Variants in CCKBR observed in about 807,000 individuals in gnomAD.
CCKBR encodes gastrin/cholecystokinin type B receptor.
Under a neutral mutation model 34.6 loss-of-function variants are expected in CCKBR, and 33 were observed. The ratio of observed to expected loss-of-function variants is 0.95; its 90% confidence interval spans 0.72 to 1.27. The LOEUF is 1.27. Ranked by LOEUF, CCKBR falls within the 50% of genes most tolerant of loss-of-function variation. The pLI, the probability that CCKBR is intolerant of heterozygous loss-of-function variation, is 0.00. For synonymous variants in CCKBR, 269 were observed against 267.5 expected (o/e 1.01, Z -0.06); for missense variants, 652 against 617.4 (o/e 1.06, Z -0.59).
At chr11:6,270,976 G>A (rs1411236462) in intron 4 of CCKBR, 35 bp from the exon 5 acceptor site, 1 of 1,613,008 alleles carries the variant, frequency 6.2e-7, no homozygotes, top group Non-Finnish European at 8.5e-7. Context: ...GGGGGGACTC[G>A]CCTTTTTCTC....
intron 1 of CCKBR, among the ~76,000 whole-genome samples, chr11:6,268,518 T>C (rs1848241985): frequency 6.6e-6 from 1 of 152,238 alleles, no homozygotes; most frequent in South Asian, 2.1e-4. Context: ...CCAGCCCCTC[T>C]GCCTCACACA....
At chr11:6,260,146 C>A in intron 1 of CCKBR, 67 bp downstream of exon 1, 2 of 1,222,742 alleles carry the variant, frequency 1.6e-6, no homozygotes, top group Non-Finnish European at 2.2e-6. Context: ...TAATAGAGTC[C>A]CCCCAACGAG....
chr11:6,271,675 A>G lies in CCKBR; in HGVS notation c.*132A>G. 1 of 881,714 alleles carries G rather than the reference A, an allele frequency of 1.1e-6. No homozygotes were observed. Among genetic ancestry groups the G allele is most frequent in the Non-Finnish European group, 1.7e-6 (1 of 594,232 alleles). 54.6% of individuals were successfully genotyped at this position (881,714 alleles called of 1,614,324 possible). On this transcript the variant is annotated 3_prime_UTR_variant, in exon 5 of 5. Transcript: ENST00000334619. ...CATGGACTAACCCCAACGCACAGGA[A>G]AAGGTAGCTTACCTGACACAAGAGG... is the stretch of plus-strand genomic sequence containing the variant.
rs57265861 is a variant in CCKBR at position 6,262,686 on chromosome 11, A to AAGAGAG, written c.151+2641_151+2646dup. Among the ~76,000 whole-genome samples, 1,047 of 119,218 alleles carry AAGAGAG rather than the reference A, an allele frequency of 8.8e-3. 12 individuals are homozygous for AAGAGAG. The highest frequency in any genetic ancestry group is 0.014 in the African/African-American group (466 of 32,274). 78.2% of individuals were successfully genotyped at this position (119,218 alleles called of 152,430 possible). On this transcript the variant is annotated intron_variant, in intron 1 of 4. Transcript: ENST00000334619. ...TTTCAAGAAGTCTGGTAGGCAAAGA[A>AAGAGAG]AGAGAGAGAGAGAGAGAGAGAGAGA...
At chr11:6,268,398 C>A (rs1848240426) in intron 1 of CCKBR, among the ~76,000 whole-genome samples, 2 of 152,104 alleles carry the variant, frequency 1.3e-5, no homozygotes, top group Non-Finnish European at 2.9e-5. Flanking sequence ...GTAATTCAGT[C>A]CTGTTCAATC....
At chr11:6,270,970 GGACTC>G (rs780808122) in intron 4 of CCKBR, 36 bp from the exon 5 acceptor site, 2 of 1,612,922 alleles carry the variant, frequency 1.2e-6, no homozygotes, top group Non-Finnish European at 1.7e-6. Context: ...GAGACTGGGG[GGACTC>G]GCCTTTTTCT....
chr11:6,264,188 C>A (rs563675498), intron 1 of CCKBR, among the ~76,000 whole-genome samples: 2 of 152,274 alleles, frequency 1.3e-5, no homozygotes, highest in Admixed American at 6.5e-5. Flanking sequence ...ACCTACACAC[C>A]CTTGCATATT....
At chr11:6,261,355 A>C (rs1296580402) in intron 1 of CCKBR, among the ~76,000 whole-genome samples, 1 of 149,862 alleles carries the variant, frequency 6.7e-6, no homozygotes, top group Non-Finnish European at 1.5e-5. Flanking sequence ...AGCCTCCTTG[A>C]GAATTAAAGT....
At chr11:6,262,722 G>GAAAGAA (rs66526838) in intron 1 of CCKBR, among the ~76,000 whole-genome samples, 20 of 119,262 alleles carry the variant, frequency 1.7e-4, no homozygotes, top group South Asian at 5.8e-4. Flanking sequence ...GAGAGAGAGA[G>GAAAGAA]AGAAAGAAAA....
At chr11:6,260,734 A>G (rs913334672) in intron 1 of CCKBR, among the ~76,000 whole-genome samples, 3 of 152,208 alleles carry the variant, frequency 2.0e-5, no homozygotes, top group African/African-American at 7.2e-5. Context: ...TTTGTCTGCA[A>G]GTAATGTCTC....
intron 1 of CCKBR, among the ~76,000 whole-genome samples, chr11:6,268,402 T>C (rs2133901986): frequency 6.6e-6 from 1 of 152,268 alleles, no homozygotes; most frequent in South Asian, 2.1e-4. Flanking sequence ...TTCAGTCCTG[T>C]TCAATCCAAT....
chr11:6,260,403 T>C (rs1486605685), intron 1 of CCKBR, among the ~76,000 whole-genome samples: 1 of 152,034 alleles, frequency 6.6e-6, no homozygotes, highest in Non-Finnish European at 1.5e-5. Context: ...GGACCTCCTC[T>C]TGCCAACCCT....
chr11:6,260,159 C>T lies in CCKBR; in HGVS notation c.151+80C>T, dbSNP rs1035885909. On this transcript the variant is annotated intron_variant, in intron 1 of 4. Transcript: ENST00000334619. ...ACTAATAGAGTCCCCCCAACGAGCT[C>T]CACACTACCTTCTCAAACGTCCACA... The T allele has an allele frequency of 5.6e-6, 6 of 1,073,090 alleles. No individual in the cohort carries two copies. In the East Asian group the frequency reaches 1.5e-4, roughly 27 times the overall value. The allele number at this position is 1,073,090 out of a possible 1,614,324, so 66.5% of individuals were successfully genotyped here.
intron 1 of CCKBR, among the ~76,000 whole-genome samples, chr11:6,263,044 C>A (rs1848160405): frequency 6.6e-6 from 1 of 152,210 alleles, no homozygotes; most frequent in Non-Finnish European, 1.5e-5. Flanking sequence ...CACACAGAGA[C>A]CCTGTCAGCC....
In CCKBR at chr11:6,261,462, T is replaced by TATATATATATACACACAC. The variant is rs764173521; in HGVS notation, c.151+1384_151+1385insTATATATATACACACACA. Among the ~76,000 whole-genome samples, 60 of 63,990 alleles carry TATATATATATACACACAC rather than the reference T, an allele frequency of 9.4e-4. 2 individuals carry two copies. The East Asian group carries it at 0.011, about 12-fold the overall frequency. 42.0% of individuals were successfully genotyped at this position (63,990 alleles called of 152,430 possible). ...AAAAAAAAAAAAAAAAAAATATATATACACACACACACACACACACACACA... is the reference window on the plus strand; with the variant it reads ...AAAAAAAAAAAAAAAAAAATATATATATATATATATACACACACACACACACACACACACACACACACA... On this transcript the variant is annotated intron_variant, in intron 1 of 4. Transcript: ENST00000334619.
At chr11:6,268,049 G>C (rs977035934) in intron 1 of CCKBR, among the ~76,000 whole-genome samples, 1 of 152,164 alleles carries the variant, frequency 6.6e-6, no homozygotes, top group African/African-American at 2.4e-5. Flanking sequence ...TTGCTATGTT[G>C]CTCAGGCTGA....
chr11:6,269,561 A>G, intron 1 of CCKBR, 108 bp from the exon 2 acceptor site: 1 of 1,243,890 alleles, frequency 8.0e-7, no homozygotes, highest in Non-Finnish European at 1.1e-6. Context: ...TCGGTGGGGA[A>G]TGTAGGCATC....
chr11:6,271,587 C>T lies in CCKBR; in HGVS notation c.*44C>T. On this transcript the variant is annotated 3_prime_UTR_variant, in exon 5 of 5. Transcript: ENST00000334619. ...GGGTTGAGGCAGGGCAAATGACATG[C>T]ACTGACCCTTCCAGACATACGAAAC... 1 of 1,509,158 alleles carries T rather than the reference C, an allele frequency of 6.6e-7. No individual in the cohort carries two copies. The highest frequency in any genetic ancestry group is 8.8e-7 in the Non-Finnish European group (1 of 1,130,184). The allele number at this position is 1,509,158 out of a possible 1,614,324, so 93.5% of individuals were successfully genotyped here.
chr11:6,265,825 G>C (rs1299629334), intron 1 of CCKBR, among the ~76,000 whole-genome samples: 1 of 152,134 alleles, frequency 6.6e-6, no homozygotes, highest in Non-Finnish European at 1.5e-5. Flanking sequence ...ACCTCTCACT[G>C]ACCCCCACAA....
Sources: allele counts gnomAD v4.1 joint callset (sites outside exome capture counted in the v4.1 genomes callset), GRCh38; gene constraint gnomAD v4.1.1; transcripts MANE v1.5; gene names NCBI Gene and HGNC (gene_info 2026-07-23, HGNC 2026-07-21).